The following WWP1 variants were observed in gnomAD, a reference collection of about 807,000 sequenced individuals.
WWP1 encodes NEDD4-like E3 ubiquitin-protein ligase WWP1.
Under a neutral mutation model 130.6 loss-of-function variants are expected in WWP1, and 49 were observed. The ratio of observed to expected loss-of-function variants is 0.38; its 90% confidence interval spans 0.30 to 0.48. WWP1 has a LOEUF of 0.48. Ranked by LOEUF, WWP1 falls within the 20% of genes least tolerant of loss-of-function variation. The probability of loss-of-function intolerance (pLI) is 0.99; values close to 1 mark genes in which losing one functional copy is unlikely to be tolerated. For synonymous variants in WWP1, 332 were observed against 367.8 expected (o/e 0.90, Z 1.11); for missense variants, 809 against 1,100.6 (o/e 0.74, Z 3.75).
chr8:86,423,572 A>G (rs1011090840), intron 9 of WWP1, among the ~76,000 whole-genome samples: 8 of 152,252 alleles, frequency 5.3e-5, no homozygotes, highest in Non-Finnish European at 8.8e-5. Flanking sequence ...ATCCCAAGGC[A>G]GAAGAGTCTT....
intron 12 of WWP1, 91 bp from the exon 13 acceptor site, chr8:86,431,315 A>G: frequency 3.3e-6 from 1 of 300,600 alleles, no homozygotes; most frequent in Non-Finnish European, 5.5e-6. Context: ...TTTTATATAT[A>G]TAATATATAT....
At chr8:86,396,465 G>T (rs1237912681) in intron 5 of WWP1, among the ~76,000 whole-genome samples, 1 of 150,148 alleles carries the variant, frequency 6.7e-6, no homozygotes, top group South Asian at 2.1e-4. Flanking sequence ...TTTGTTTTTT[G>T]TTTGTTTGTT....
intron 7 of WWP1, among the ~76,000 whole-genome samples, chr8:86,399,762 A>C (rs1388200431): frequency 2.0e-5 from 3 of 152,212 alleles, no homozygotes; most frequent in Non-Finnish European, 4.4e-5. Context: ...ACGGGGAGAA[A>C]TTCAAATGGG....
At chr8:86,349,334 T>C (rs1822782521) in intron 1 of WWP1, among the ~76,000 whole-genome samples, 2 of 152,214 alleles carry the variant, frequency 1.3e-5, no homozygotes, top group Non-Finnish European at 2.9e-5. Context: ...CCAGATCTTC[T>C]TAAGGTTTAG....
intron 5 of WWP1, among the ~76,000 whole-genome samples, chr8:86,383,516 C>T (rs1007459688): frequency 2.6e-5 from 4 of 152,116 alleles, no homozygotes; most frequent in Non-Finnish European, 1.5e-5. Context: ...CTGAGGCAGG[C>T]GGATCACCTG....
At chr8:86,367,806 G>A (rs1307801832) in intron 1 of WWP1, among the ~76,000 whole-genome samples, 1 of 152,180 alleles carries the variant, frequency 6.6e-6, no homozygotes, top group Non-Finnish European at 1.5e-5. Context: ...CCACTATGCA[G>A]ATTGTTGTCC....
At chr8:86,420,823 A>C (rs1809162534) in intron 9 of WWP1, among the ~76,000 whole-genome samples, 1 of 152,342 alleles carries the variant, frequency 6.6e-6, no homozygotes, top group East Asian at 1.9e-4. Context: ...AAGTATATGT[A>C]ATTTTGATAA....
At chr8:86,381,746 G>T (rs1824999370) in intron 5 of WWP1, 117 bp downstream of exon 5, 1 of 1,011,540 alleles carries the variant, frequency 9.9e-7, no homozygotes, top group African/African-American at 1.7e-5. Flanking sequence ...TTCAGTTATT[G>T]CTTGTGATTG....
intron 1 of WWP1, among the ~76,000 whole-genome samples, chr8:86,346,725 A>G (rs907184441): frequency 2.0e-5 from 3 of 152,222 alleles, no homozygotes; most frequent in African/African-American, 7.2e-5. Flanking sequence ...TACTCTTTGT[A>G]TAAAAATATG....
At chr8:86,363,257 ATT>A (rs1413828244) in intron 1 of WWP1, among the ~76,000 whole-genome samples, 1 of 152,160 alleles carries the variant, frequency 6.6e-6, no homozygotes, top group Non-Finnish European at 1.5e-5. Flanking sequence ...TTTTGTAAGG[ATT>A]AAAGCAGAGG....
chr8:86,412,737 C>T (rs1444316848), intron 9 of WWP1, among the ~76,000 whole-genome samples: 1 of 151,502 alleles, frequency 6.6e-6, no homozygotes, highest in East Asian at 1.9e-4. Flanking sequence ...TCTCAGTGCC[C>T]TTTACTGGCT....
At chr8:86,412,503 CTTAT>C (rs942092197) in intron 9 of WWP1, among the ~76,000 whole-genome samples, 8 of 152,060 alleles carry the variant, frequency 5.3e-5, no homozygotes, top group African/African-American at 1.2e-4. Context: ...CTTCAAGAAG[CTTAT>C]TTAGTGATTC....
At chr8:86,412,610 A>G (rs1172818038) in intron 9 of WWP1, among the ~76,000 whole-genome samples, 1 of 151,986 alleles carries the variant, frequency 6.6e-6, no homozygotes, top group Admixed American at 6.6e-5. Flanking sequence ...CAGAATGTCA[A>G]CTGTTGTAGC....
Position 86,342,846 on chromosome 8 carries a change from C to T in WWP1, c.-199C>T. ...CCTGCTGCGAGATGGCGATCTTGGG[C>T]GCGGAAGGGTGAGGGCGCCCGCCGC... On this transcript the variant is annotated 5_prime_UTR_variant, in exon 1 of 25. Coordinates refer to ENST00000517970, the MANE Select transcript of WWP1 (RefSeq NM_007013.4). 2.7e-6 allele frequency: 1 copy of T among 366,256 alleles called. No homozygotes were observed. Among genetic ancestry groups the T allele is most frequent in the Non-Finnish European group, 4.9e-6 (1 of 205,176 alleles). 22.7% of individuals were successfully genotyped at this position (366,256 alleles called of 1,614,324 possible).
At chr8:86,376,826 C>T (rs755410214) in intron 3 of WWP1, among the ~76,000 whole-genome samples, 4 of 152,118 alleles carry the variant, frequency 2.6e-5, no homozygotes, top group Non-Finnish European at 5.9e-5. Context: ...CTAAATGGCA[C>T]CAGGTTTTAG....
intron 4 of WWP1, 96 bp downstream of exon 4, chr8:86,380,960 TG>T: frequency 7.4e-7 from 1 of 1,350,188 alleles, no homozygotes; most frequent in Non-Finnish European, 9.6e-7. Flanking sequence ...AAGTAATGAG[TG>T]ATTTTTTTAA....
intron 1 of WWP1, among the ~76,000 whole-genome samples, chr8:86,345,078 A>G (rs1049073031): frequency 2.0e-5 from 3 of 152,146 alleles, no homozygotes; most frequent in Non-Finnish European, 2.9e-5. Context: ...GTAGTCATGG[A>G]TAGTGAGGAT....
In WWP1 at chr8:86,418,284, T is replaced by G. The variant is rs372815272; in HGVS notation, c.1061+6410T>G. On this transcript the variant is annotated intron_variant, in intron 9 of 24. Transcript: ENST00000517970. ...GGCCCAAACTTTGTGGAGCGTATGG[T>G]CTAATATATAGGTCTCCCTTAATTC... Among the ~76,000 whole-genome samples, 7 of 152,344 alleles carry G rather than the reference T, an allele frequency of 4.6e-5. No homozygotes were observed. The South Asian group carries it at 1.5e-3, about 32-fold the overall frequency.
At chr8:86,355,071 T>A (rs569450695) in intron 1 of WWP1, among the ~76,000 whole-genome samples, 117 of 152,306 alleles carry the variant, frequency 7.7e-4, no homozygotes, top group African/African-American at 2.8e-3. Flanking sequence ...CTGTCCGACT[T>A]GAAAACTGTT....
Sources: allele counts gnomAD v4.1 joint callset (sites outside exome capture counted in the v4.1 genomes callset), GRCh38; gene constraint gnomAD v4.1.1; transcripts MANE v1.5; gene names NCBI Gene and HGNC (gene_info 2026-07-23, HGNC 2026-07-21).